The following SPATA13 variants were observed in gnomAD, a reference collection of about 807,000 sequenced individuals.
SPATA13 encodes spermatogenesis associated 13.
A neutral mutation model predicts 104.0 loss-of-function variants in SPATA13; 50 were observed. The observed-to-expected ratio is 0.48, with a 90% CI of 0.38 to 0.61. SPATA13 has a LOEUF of 0.61. SPATA13 is among the 20% of genes least tolerant of loss of function. SPATA13 has a pLI of 0.00. For missense variants in SPATA13, 1,524 were observed against 1,690.6 expected (o/e 0.90, Z 1.73); for synonymous variants, 606 against 667.5 (o/e 0.91, Z 1.42).
intron 5 of SPATA13, 144 bp downstream of exon 5, chr13:24,284,415 C>T (rs1257694117): frequency 8.5e-6 from 8 of 941,862 alleles, no homozygotes; most frequent in South Asian, 3.9e-5. Flanking sequence ...CTGTGATTCA[C>T]TTTGGAAGGC....
intron 3 of SPATA13, among the ~76,000 whole-genome samples, chr13:24,080,062 A>G (rs1879458368): frequency 6.6e-6 from 1 of 152,248 alleles, no homozygotes; most frequent in Non-Finnish European, 1.5e-5. Context: ...AATATTCAAC[A>G]TCACCCAGCT....
At chr13:24,198,278 C>T (rs1377284853) in intron 1 of SPATA13, among the ~76,000 whole-genome samples, 2 of 152,148 alleles carry the variant, frequency 1.3e-5, no homozygotes, top group African/African-American at 4.8e-5. Context: ...CAGGCGTGAG[C>T]CACCGCACCG....
In SPATA13 at chr13:24,286,574, C is replaced by T. The variant is rs979453885; in HGVS notation, c.2481+181C>T. ...ATGTTAAAGGCAGGCAAGCGAGTTG[C>T]TCGGTGTTTCTCTGTGGTCCTCGTG... On this transcript the variant is annotated intron_variant, in intron 6 of 12. Transcript: ENST00000382108. The surrounding 1 kb of genome is among the most constrained non-coding windows in gnomAD (Gnocchi z 4.9). 2.6e-5 allele frequency among the ~76,000 whole-genome samples: 4 copies of T among 152,094 alleles called. No homozygotes were observed. Among genetic ancestry groups the T allele is most frequent in the African/African-American group, 9.7e-5 (4 of 41,418 alleles).
chr13:24,282,363 T>A (rs868548856), intron 4 of SPATA13, among the ~76,000 whole-genome samples: 12 of 152,220 alleles, frequency 7.9e-5, no homozygotes, highest in African/African-American at 2.9e-4. Flanking sequence ...ATTTGCCAAG[T>A]CCTTGAGGAA....
chr13:24,027,440 C>CT lies in SPATA13; in HGVS notation c.-112+9748dup, dbSNP rs1274059555. Among the ~76,000 whole-genome samples the CT allele has an allele frequency of 2.3e-3, 348 of 150,840 alleles. 2 individuals carry two copies. Among genetic ancestry groups the CT allele is most frequent in the African/African-American group, 7.6e-3 (312 of 41,190 alleles). ...GAGCCACCATGCCTGGCTGCCTTTT[C>CT]TTTTTTTTTCAAACTTGCCAGAGGT... On this transcript the variant is annotated intron_variant, in intron 3 of 14. Transcript: ENST00000424834.
chr13:24,061,539 T>A (rs1289590603), intron 3 of SPATA13, among the ~76,000 whole-genome samples: 1 of 152,178 alleles, frequency 6.6e-6, no homozygotes, highest in Non-Finnish European at 1.5e-5. Context: ...TATGCAGCCA[T>A]AACAAAGAAT....
At chr13:24,086,557 C>G (rs912138) in intron 3 of SPATA13, among the ~76,000 whole-genome samples, 121,544 of 152,120 alleles carry the variant, frequency 0.8, 48,957 homozygotes, top group East Asian at 1. Flanking sequence ...GGGTCTGTAG[C>G]CTTGGGGACT....
chr13:24,173,495 C>T (rs367789703), intron 1 of SPATA13, among the ~76,000 whole-genome samples: 1 of 145,098 alleles, frequency 6.9e-6, no homozygotes, highest in Non-Finnish European at 1.5e-5. Flanking sequence ...GCCTTTTATT[C>T]CCCCCCGTCC....
At chr13:24,146,238 G>C (rs1881927014) in intron 3 of SPATA13, among the ~76,000 whole-genome samples, 1 of 152,230 alleles carries the variant, frequency 6.6e-6, no homozygotes. Context: ...CTAATTCATA[G>C]ATCAGCTTCA....
At chr13:24,214,046 C>T (rs1871162668) in intron 1 of SPATA13, among the ~76,000 whole-genome samples, 1 of 152,192 alleles carries the variant, frequency 6.6e-6, no homozygotes, top group South Asian at 2.1e-4. Flanking sequence ...AAGCGATCAC[C>T]TTCTCCAGAT....
chr13:24,278,196 C>G lies in SPATA13; in HGVS notation c.2165-5939C>G, dbSNP rs182480706. On this transcript the variant is annotated intron_variant, in intron 4 of 12. Transcript: ENST00000382108. The stretch of plus-strand genomic sequence containing the variant: ...TTTTTAATATCATTTTGTCTTATTA[C>G]AAGTAACAGCTACTGCTGGAGGAGA... 4.6e-5 allele frequency among the ~76,000 whole-genome samples: 7 copies of G among 152,212 alleles called. No homozygotes were observed. In the East Asian group the frequency reaches 1.2e-3, roughly 25 times the overall value.
intron 2 of SPATA13, among the ~76,000 whole-genome samples, chr13:24,012,930 A>G (rs541030557): frequency 6.6e-6 from 1 of 152,196 alleles, no homozygotes; most frequent in African/African-American, 2.4e-5. Context: ...GACAGGGCAC[A>G]CCTAGGCCAC....
chr13:24,021,367 C>T (rs1378816524), intron 3 of SPATA13, among the ~76,000 whole-genome samples: 1 of 152,202 alleles, frequency 6.6e-6, no homozygotes, highest in Non-Finnish European at 1.5e-5. Context: ...GTGAGTTGCA[C>T]CTGTAGTCCC....
At chr13:24,194,208 T>C (rs1869925333) in intron 1 of SPATA13, among the ~76,000 whole-genome samples, 1 of 152,196 alleles carries the variant, frequency 6.6e-6, no homozygotes, top group African/African-American at 2.4e-5. Context: ...GATCACACAT[T>C]ATATAAGATG....
intron 4 of SPATA13, among the ~76,000 whole-genome samples, chr13:24,264,621 A>G (rs1874207310): frequency 6.6e-6 from 1 of 152,260 alleles, no homozygotes; most frequent in African/African-American, 2.4e-5. Context: ...CCATGTCCCA[A>G]TAATTGCCTT....
intron 4 of SPATA13, among the ~76,000 whole-genome samples, chr13:24,272,078 G>T (rs1005608294): frequency 1.3e-4 from 20 of 152,246 alleles, no homozygotes; most frequent in African/African-American, 4.8e-4. Context: ...GGTGGAGGAA[G>T]CGGACGTGCG....
chr13:24,209,728 G>C lies in SPATA13; in HGVS notation c.-111-13091G>C, dbSNP rs1870908487. Among the ~76,000 whole-genome samples, 4 of 152,262 alleles carry C rather than the reference G, an allele frequency of 2.6e-5. No individual in the cohort carries two copies. The South Asian group carries it at 8.3e-4, about 32-fold the overall frequency. On this transcript the variant is annotated intron_variant, in intron 1 of 12. Transcript: ENST00000382108. ...CTGTGAATAGTGCTGCCATGAACAA[G>C]GGGGTGTAGACGTCTTTTTGAGGTG... is the stretch of plus-strand genomic sequence containing the variant.
upstream of SPATA13, among the ~76,000 whole-genome samples, chr13:24,159,544 G>A (rs970137718): frequency 1.3e-5 from 2 of 152,058 alleles, no homozygotes; most frequent in Non-Finnish European, 2.9e-5. Flanking sequence ...TCTTACATTC[G>A]AGTGGCACAT....
intron 3 of SPATA13, among the ~76,000 whole-genome samples, chr13:24,081,529 C>T (rs951384946): frequency 7.9e-5 from 12 of 151,784 alleles, no homozygotes; most frequent in African/African-American, 1.7e-4. Flanking sequence ...AAAAAGCTGG[C>T]CCAGTGTGAT....
Sources: gnomAD v4.1 joint callset for allele counts (sites outside exome capture counted in the v4.1 genomes callset) on GRCh38, gnomAD v4.1.1 for gene constraint, Gnocchi (gnomAD v3.1) non-coding constraint, MANE v1.5 for transcripts, NCBI Gene and HGNC (gene_info 2026-07-23, HGNC 2026-07-21) for gene names.